CCDC136: variants seen among roughly 807,000 people sequenced by gnomAD.
CCDC136 encodes coiled-coil domain-containing protein 136.
A neutral mutation model predicts 141.2 loss-of-function variants in CCDC136; 100 were observed. That is an observed-to-expected ratio of 0.71 (90% CI 0.60 to 0.84). The LOEUF (loss-of-function observed/expected upper bound fraction) is 0.84, where lower values mean the gene tolerates loss of function less well. Among genes scored for constraint, CCDC136 ranks in the 40% least tolerant of loss-of-function variants. CCDC136 has a pLI of 0.00. For missense variants in CCDC136, 1,206 were observed against 1,379.4 expected (o/e 0.87, Z 1.99); for synonymous variants, 474 against 531.9 (o/e 0.89, Z 1.50).
In CCDC136 at chr7:128,805,289, C is replaced by G; in HGVS notation, c.783-70C>G. ...TTGGCCTAAAATGAAGGTATCAGGA[C>G]AAAGCCTGCATGGCTGGTGATGCCA... On this transcript the variant is annotated intron_variant, in intron 5 of 17. Coordinates refer to ENST00000297788, the MANE Select transcript of CCDC136 (RefSeq NM_022742.5). The surrounding 1 kb of genome is among the most constrained non-coding windows in gnomAD (Gnocchi z 4.6). 1.4e-6 allele frequency: 2 copies of G among 1,423,266 alleles called. No homozygotes were observed. Among genetic ancestry groups the G allele is most frequent in the Non-Finnish European group, 2.0e-6 (2 of 1,021,038 alleles). 88.2% of individuals were successfully genotyped at this position (1,423,266 alleles called of 1,614,324 possible). A position where few individuals can be genotyped will look rare whatever the true frequency, so the allele number is the denominator to read the frequency against.
At position 128,807,555 on chromosome 7, in the gene CCDC136, G is replaced by A. The variant is rs1315104557; in HGVS notation, c.1605+10G>A. The A allele has an allele frequency of 1.7e-5, 23 of 1,367,160 alleles. No individual in the cohort carries two copies. The highest frequency in any genetic ancestry group is 3.5e-5 in the South Asian group (2 of 57,122). The allele number at this position is 1,367,160 out of a possible 1,614,324, so 84.7% of individuals were successfully genotyped here. ...AAAGTGTGCTAATAAGGTAATTGTC[G>A]TTCAGAGAGGTGACAGCTCCTGGGC... On this transcript the variant is annotated intron_variant, in intron 10 of 17. Coordinates refer to ENST00000297788, the MANE Select transcript of CCDC136 (RefSeq NM_022742.5).
Position 128,794,250 on chromosome 7 carries a change from T to C in CCDC136, c.17-98T>C. 1 of 1,517,820 alleles carries C rather than the reference T, an allele frequency of 6.6e-7. No individual in the cohort carries two copies. Among genetic ancestry groups the C allele is most frequent in the Non-Finnish European group, 8.9e-7 (1 of 1,118,468 alleles). 94.0% of individuals were successfully genotyped at this position (1,517,820 alleles called of 1,614,324 possible). A position where few individuals can be genotyped will look rare whatever the true frequency, so the allele number is the denominator to read the frequency against. ...TGGGGGACACCAGGTGGCACTAGTA[T>C]GTCATCTCTGCCCTGGCATAGTGAG... On this transcript the variant is annotated intron_variant, in intron 1 of 17. Transcript: ENST00000297788. The surrounding 1 kb of genome is among the most constrained non-coding windows in gnomAD (Gnocchi z 4.3).
upstream of CCDC136, chr7:128,791,437 C>T (rs1802144844): frequency 8.0e-7 from 1 of 1,255,414 alleles, no homozygotes; most frequent in South Asian, 2.5e-5. This position sits in a 1 kb window ranked among gnomAD's most constrained non-coding sequence, Gnocchi z 7.1. Context: ...CTCGGGTCCC[C>T]GGGCTCGCGG....
rs1465552637 is a variant in CCDC136 at position 128,804,809 on chromosome 7, C to G, written c.782+48C>G. ...AGAGGTCATGGGGTTCCACAGGACT[C>G]TGCCTTACCTTGGGCTTTCCCTGAA... On this transcript the variant is annotated intron_variant, in intron 5 of 17. Transcript: ENST00000297788. 4.9e-6 allele frequency: 6 copies of G among 1,236,330 alleles called. No individual in the cohort carries two copies. The South Asian group carries it at 7.8e-5, about 16-fold the overall frequency. The allele number at this position is 1,236,330 out of a possible 1,614,324, so 76.6% of individuals were successfully genotyped here. A position where few individuals can be genotyped will look rare whatever the true frequency, so the allele number is the denominator to read the frequency against.
At chr7:128,807,713 G>C (rs1805084340) in intron 10 of CCDC136, 168 bp downstream of exon 10, 1 of 438,360 alleles carries the variant, frequency 2.3e-6, no homozygotes, top group African/African-American at 2.0e-5. Flanking sequence ...CCCTGACCTT[G>C]ACTTTGAGCC....
chr7:128,812,846 G>A lies in CCDC136; in HGVS notation c.2680G>A (p.Glu894Lys), dbSNP rs758251423. The change falls in exon 14 of 18, where the codon GAG becomes AAG. Residue 894 changes from glutamate to lysine, a missense_variant. Coordinates refer to ENST00000297788, the MANE Select transcript of CCDC136 (RefSeq NM_022742.5). ...GGCCAAGCAGAAAGACCTGAAGGAA[G>A]AGCTGGATGCCTGTGAAAGGGAGTT... is the stretch of plus-strand genomic sequence containing the variant. ...LLAKQKDLKE[E>K]LDACEREFKE... is the part of the protein sequence containing the mutation. 1.9e-6 allele frequency: 3 copies of A among 1,613,382 alleles called. No homozygotes were observed. Among genetic ancestry groups the A allele is most frequent in the Non-Finnish European group, 2.5e-6 (3 of 1,179,738 alleles).
In CCDC136 at chr7:128,812,842, G is replaced by A; in HGVS notation, c.2676G>A (p.Lys892=). The part of the protein sequence containing the change: ...EKLLAKQKDL[K]EELDACEREF... ...TACTGGCCAAGCAGAAAGACCTGAAGGAAGAGCTGGATGCCTGTGAAAGGG... is the reference window on the plus strand; with the variant it reads ...TACTGGCCAAGCAGAAAGACCTGAAAGAAGAGCTGGATGCCTGTGAAAGGG... The change falls in exon 14 of 18, where the codon AAG becomes AAA. Residue 892 remains lysine (K), a synonymous_variant. Transcript: ENST00000297788. 6.2e-7 allele frequency: 1 copy of A among 1,613,336 alleles called. No homozygotes were observed. Among genetic ancestry groups the A allele is most frequent in the Non-Finnish European group, 8.5e-7 (1 of 1,179,742 alleles).
At chr7:128,791,398 C>T, upstream of CCDC136, 1 of 889,664 alleles carries the variant, frequency 1.1e-6, no homozygotes, top group Non-Finnish European at 1.5e-6. The surrounding 1 kb of genome is among the most constrained non-coding windows in gnomAD (Gnocchi z 7.1). Context: ...GCCCCCTCGT[C>T]CGCCCTCCCT....
intron 10 of CCDC136, 108 bp from the exon 11 acceptor site, chr7:128,809,342 C>T: frequency 1.3e-6 from 1 of 760,600 alleles, no homozygotes; most frequent in South Asian, 1.7e-5. Context: ...GGTGACTGCA[C>T]AGGGAGAGGA....
At chr7:128,792,769 G>T (rs1286255064) in intron 1 of CCDC136, among the ~76,000 whole-genome samples, 1 of 152,236 alleles carries the variant, frequency 6.6e-6, no homozygotes, top group Non-Finnish European at 1.5e-5. Context: ...ATCCCAAGCT[G>T]TCTCTTATTT....
intron 15 of CCDC136, among the ~76,000 whole-genome samples, chr7:128,815,256 G>A (rs1293397500): frequency 6.6e-6 from 1 of 152,214 alleles, no homozygotes; most frequent in Non-Finnish European, 1.5e-5. Flanking sequence ...CCAAATAGAT[G>A]AAGAGGGAGG....
Position 128,792,286 on chromosome 7 carries a change from C to A in CCDC136, c.-126C>A. ...GCACCCCAGCCCGCAGCCAGCCCCC[C>A]ACCCCCCAGCCCCTCCTTTCTCCCT... On this transcript the variant is annotated 5_prime_UTR_variant, in exon 1 of 18. Transcript: ENST00000297788. 1 of 1,550,790 alleles carries A rather than the reference C, an allele frequency of 6.4e-7. No homozygotes were observed. Among genetic ancestry groups the A allele is most frequent in the East Asian group, 2.4e-5 (1 of 41,512 alleles).
At chr7:128,791,300 G>A (rs934029641), upstream of CCDC136, 1 of 346,802 alleles carries the variant, frequency 2.9e-6, no homozygotes, top group Non-Finnish European at 5.1e-6. The surrounding 1 kb of genome is among the most constrained non-coding windows in gnomAD (Gnocchi z 7.1). Context: ...GCCGCCCCCT[G>A]CACGGGCTCG....
intron 12 of CCDC136, 84 bp from the exon 13 acceptor site, chr7:128,811,716 C>A: frequency 7.6e-7 from 1 of 1,307,448 alleles, no homozygotes; most frequent in Non-Finnish European, 1.1e-6. Flanking sequence ...AAGGTGTGCT[C>A]TCAGACATCT....
intron 3 of CCDC136, among the ~76,000 whole-genome samples, chr7:128,796,584 A>G (rs1171221487): frequency 6.6e-6 from 1 of 151,798 alleles, no homozygotes; most frequent in African/African-American, 2.4e-5. Context: ...TTAAAAGAGA[A>G]CTTGGCCACT....
In CCDC136 at chr7:128,794,791, G is replaced by A; in HGVS notation, c.346+23G>A. The A allele has an allele frequency of 6.5e-7, 1 of 1,545,604 alleles. No individual in the cohort carries two copies. Among genetic ancestry groups the A allele is most frequent in the Non-Finnish European group, 8.8e-7 (1 of 1,141,754 alleles). On this transcript the variant is annotated intron_variant, in intron 3 of 17. Transcript: ENST00000297788. The surrounding 1 kb of genome is among the most constrained non-coding windows in gnomAD (Gnocchi z 4.3). ...AAGGTAATTCCCAGGACTTGGACTG[G>A]AGGGAGGTGGCCATCCAAGTGGTCA...
upstream of CCDC136, chr7:128,791,700 C>T (rs987536711): frequency 1.8e-4 from 92 of 504,200 alleles, no homozygotes; most frequent in Non-Finnish European, 2.7e-4. The surrounding 1 kb of genome is among the most constrained non-coding windows in gnomAD (Gnocchi z 7.1). Context: ...TCCACCGGGG[C>T]CCGGTCTCCA....
In CCDC136 at chr7:128,806,495, A is replaced by G. The variant is rs887613152; in HGVS notation, c.1248+100A>G. ...AGAGTAGTGAGTTAAAAATAATTCCAGCAACCACATAGGCAGCACCACAGG... is the reference window on the plus strand; with the variant it reads ...AGAGTAGTGAGTTAAAAATAATTCCGGCAACCACATAGGCAGCACCACAGG... On this transcript the variant is annotated intron_variant, in intron 8 of 17. Transcript: ENST00000297788. 7 of 1,232,766 alleles carry G rather than the reference A, an allele frequency of 5.7e-6. No homozygotes were observed. The African/African-American group carries it at 9.1e-5, about 16-fold the overall frequency. The allele number at this position is 1,232,766 out of a possible 1,614,324, so 76.4% of individuals were successfully genotyped here. A position where few individuals can be genotyped will look rare whatever the true frequency, so the allele number is the denominator to read the frequency against.
Position 128,794,761 on chromosome 7 carries a change from G to C in CCDC136, c.339G>C (p.Gln113His). The change falls in exon 3 of 18, where the codon CAG (glutamine) becomes CAC (histidine). Residue 113 changes from glutamine to histidine, a missense_variant. Coordinates refer to ENST00000297788, the MANE Select transcript of CCDC136 (RefSeq NM_022742.5). The surrounding 1 kb of genome is among the most constrained non-coding windows in gnomAD (Gnocchi z 4.3). Reference protein sequence around the residue: ...QAEVFTKQIQQLQGELRSLRE... With the variant: ...QAEVFTKQIQHLQGELRSLRE... ...AGGTGTTCACCAAGCAGATCCAGCA[G>C]CTCCAAGGTAATTCCCAGGACTTGG... 3.2e-6 allele frequency: 5 copies of C among 1,551,656 alleles called. No homozygotes were observed. Among genetic ancestry groups the C allele is most frequent in the Non-Finnish European group, 4.4e-6 (5 of 1,146,918 alleles).
Sources: allele counts gnomAD v4.1 joint callset (sites outside exome capture counted in the v4.1 genomes callset), GRCh38; gene constraint gnomAD v4.1.1; non-coding constraint Gnocchi (gnomAD v3.1); transcripts MANE v1.5; gene names NCBI Gene and HGNC (gene_info 2026-07-23, HGNC 2026-07-21).